Variants in AIG1 observed in about 807,000 individuals in gnomAD.
AIG1 encodes the protein androgen induced 1.
AIG1 carries 23 observed loss-of-function variants against 31.4 expected under a neutral mutation model. The observed-to-expected ratio is 0.73, with a 90% CI of 0.53 to 1.04. The LOEUF (loss-of-function observed/expected upper bound fraction) is 1.04, where lower values mean the gene tolerates loss of function less well. Ranked by LOEUF, AIG1 falls within the 50% of genes least tolerant of loss-of-function variation. The probability of loss-of-function intolerance (pLI) is 0.00; values close to 1 mark genes in which losing one functional copy is unlikely to be tolerated. For synonymous variants in AIG1, 100 were observed against 110.5 expected (o/e 0.90, Z 0.60); for missense variants, 274 against 295.0 (o/e 0.93, Z 0.52).
At chr6:143,060,433 A>T (rs961861306), upstream of AIG1, 1 of 192,962 alleles carries the variant, frequency 5.2e-6, no homozygotes, top group African/African-American at 2.4e-5. Context: ...CGGGGCGGGA[A>T]CATTTGTGGA....
intron 5 of AIG1, chr6:143,335,014 A>G: frequency 1.6e-6 from 2 of 1,237,232 alleles, no homozygotes; most frequent in Non-Finnish European, 2.2e-6. Context: ...TTTAAGTAAC[A>G]TAAGATTGAC....
chr6:143,140,563 C>T (rs1460512939), intron 2 of AIG1, among the ~76,000 whole-genome samples: 4 of 152,134 alleles, frequency 2.6e-5, no homozygotes, highest in Non-Finnish European at 4.4e-5. Context: ...TGCAAACTCT[C>T]CCTGGAGCAA....
intron 3 of AIG1, among the ~76,000 whole-genome samples, chr6:143,245,495 G>C (rs1794555616): frequency 6.6e-6 from 1 of 152,086 alleles, no homozygotes; most frequent in African/African-American, 2.4e-5. Context: ...TTCAGAAACT[G>C]AAATGTTTAT....
At chr6:143,115,432 A>G (rs1216821303) in intron 1 of AIG1, among the ~76,000 whole-genome samples, 3 of 151,052 alleles carry the variant, frequency 2.0e-5, no homozygotes, top group Non-Finnish European at 4.4e-5. Context: ...TACTTATACC[A>G]TGGTATTTAT....
chr6:143,229,818 G>T (rs1290533299), intron 3 of AIG1, among the ~76,000 whole-genome samples: 1 of 144,666 alleles, frequency 6.9e-6, no homozygotes, highest in Non-Finnish European at 1.5e-5. Context: ...TCTTTGACCA[G>T]AGTCAAGGAG....
At chr6:143,216,204 A>G (rs1792016333) in intron 3 of AIG1, among the ~76,000 whole-genome samples, 1 of 152,158 alleles carries the variant, frequency 6.6e-6, no homozygotes, top group Admixed American at 6.5e-5. Flanking sequence ...TTCTCCCTTA[A>G]TTGATCCTTA....
intron 1 of AIG1, among the ~76,000 whole-genome samples, chr6:143,079,918 C>T (rs1215804757): frequency 6.6e-6 from 1 of 152,036 alleles, no homozygotes; most frequent in East Asian, 1.9e-4. Context: ...ATTATCCCTG[C>T]CCCATGCTCT....
intron 4 of AIG1, among the ~76,000 whole-genome samples, chr6:143,313,679 A>G (rs1407715174): frequency 7.2e-5 from 11 of 152,232 alleles, no homozygotes; most frequent in Non-Finnish European, 5.9e-5. Context: ...ACATTTAAAG[A>G]TAACTAAAAG....
chr6:143,247,024 C>T (rs1200202642), intron 3 of AIG1, among the ~76,000 whole-genome samples: 1 of 152,184 alleles, frequency 6.6e-6, no homozygotes, highest in Non-Finnish European at 1.5e-5. Flanking sequence ...GATGTGCTTC[C>T]AGTTGTTCTG....
rs572684647 is a variant in AIG1, at chr6:143,335,126, A to G, written c.679+1681A>G. 9.2e-6 allele frequency: 13 copies of G among 1,418,272 alleles called. No homozygotes were observed. In the East Asian group the frequency reaches 2.8e-4, roughly 31 times the overall value. 87.9% of individuals were successfully genotyped at this position (1,418,272 alleles called of 1,614,324 possible). On this transcript the variant is annotated intron_variant, in intron 5 of 5. Coordinates refer to ENST00000357847, the MANE Select transcript of AIG1 (RefSeq NM_016108.4). ...GACAGATGTTTTGTGCCAAGTAAGT[A>G]TCATCCTCATTTACAAGAGGGGTCA...
chr6:143,305,389 G>T (rs1199185268), intron 4 of AIG1, among the ~76,000 whole-genome samples: 2 of 152,030 alleles, frequency 1.3e-5, no homozygotes, highest in East Asian at 1.9e-4. Flanking sequence ...TCTACACACT[G>T]CTTTGAATGT....
chr6:143,062,438 G>C (rs897260478), intron 1 of AIG1, among the ~76,000 whole-genome samples: 6 of 152,156 alleles, frequency 3.9e-5, no homozygotes, highest in Non-Finnish European at 8.8e-5. Flanking sequence ...AGGAGCCCGT[G>C]ACAAGACTCT....
intron 3 of AIG1, among the ~76,000 whole-genome samples, chr6:143,211,627 T>C (rs1836521): frequency 0.5 from 76,722 of 152,046 alleles, 19,587 homozygotes; most frequent in Admixed American, 0.63. Context: ...GTGTGGTGGC[T>C]CATGCCTGTA....
rs1021535568 is a variant in AIG1 at position 143,268,210 on chromosome 6, C to T, written c.400-15900C>T. Among the ~76,000 whole-genome samples, 3 of 152,028 alleles carry T rather than the reference C, an allele frequency of 2.0e-5. No homozygotes were observed. Among genetic ancestry groups the T allele is most frequent in the Non-Finnish European group, 4.4e-5 (3 of 68,000 alleles). On this transcript the variant is annotated intron_variant, in intron 3 of 5. Coordinates refer to ENST00000357847, the MANE Select transcript of AIG1 (RefSeq NM_016108.4). The surrounding 1 kb of genome is among the most constrained non-coding windows in gnomAD (Gnocchi z 5.0). ...CATAGGGCCATAAGGAGGAATAAAA[C>T]CAAAGGTTGGTTGTGTGATCTACAT...
At chr6:143,196,350 AACACAC>A (rs71784011) in intron 3 of AIG1, among the ~76,000 whole-genome samples, 9,552 of 141,610 alleles carry the variant, frequency 0.067, 498 homozygotes, top group East Asian at 0.29. Flanking sequence ...CAACAAAAGC[AACACAC>A]ACACACACAC....
intron 3 of AIG1, among the ~76,000 whole-genome samples, chr6:143,251,985 G>A (rs1795041194): frequency 6.6e-6 from 1 of 152,138 alleles, no homozygotes; most frequent in Admixed American, 6.5e-5. Flanking sequence ...GAATTTTCAT[G>A]CCGCTTTGTC....
In AIG1 at chr6:143,204,909, G is replaced by T. The variant is rs899558456; in HGVS notation, c.399+39726G>T. 5.9e-5 allele frequency among the ~76,000 whole-genome samples: 9 copies of T among 152,196 alleles called. 1 individual carries two copies. The highest frequency in any genetic ancestry group is 3.4e-3 in the Middle Eastern group (1 of 294). ...TAATCCAAGCCTATCTAGTAGAAGA[G>T]GAGTTTCGCAAAATAAAAATTATGC... is the stretch of plus-strand genomic sequence containing the variant. On this transcript the variant is annotated intron_variant, in intron 3 of 5. Transcript: ENST00000357847.
chr6:143,234,902 T>C (rs1159642541), intron 3 of AIG1, among the ~76,000 whole-genome samples: 2 of 152,082 alleles, frequency 1.3e-5, no homozygotes, highest in Non-Finnish European at 2.9e-5. Flanking sequence ...GAGATGAGGA[T>C]GAAATGAACT....
intron 3 of AIG1, among the ~76,000 whole-genome samples, chr6:143,171,488 A>AT (rs1787590647): frequency 1.7e-5 from 2 of 120,798 alleles, no homozygotes; most frequent in African/African-American, 6.8e-5. Flanking sequence ...ATATATATTA[A>AT]ATATATAATA....
Sources: gnomAD v4.1 joint callset for allele counts (sites outside exome capture counted in the v4.1 genomes callset) on GRCh38, gnomAD v4.1.1 for gene constraint, Gnocchi (gnomAD v3.1) non-coding constraint, MANE v1.5 for transcripts, NCBI Gene and HGNC (gene_info 2026-07-23, HGNC 2026-07-21) for gene names.